UNC5D: variants seen among roughly 807,000 people sequenced by gnomAD.
The protein encoded by UNC5D is unc-5 netrin receptor D, also known as netrin receptor UNC5D.
Under a neutral mutation model 105.4 loss-of-function variants are expected in UNC5D, and 39 were observed. The ratio of observed to expected loss-of-function variants is 0.37; its 90% confidence interval spans 0.29 to 0.48. The LOEUF (loss-of-function observed/expected upper bound fraction) is 0.48. Among genes scored for constraint, UNC5D ranks in the 20% least tolerant of loss-of-function variants. UNC5D has a pLI of 0.98. For missense variants in UNC5D, 991 were observed against 1,202.4 expected, an observed-to-expected ratio of 0.82 and a Z score of 2.60; for synonymous variants, 452 against 450.4, an observed-to-expected ratio of 1.00 and a Z score of -0.04.
At chr8:35,288,546 G>A (rs1439609365) in intron 1 of UNC5D, among the ~76,000 whole-genome samples, 2 of 152,108 alleles carry the variant, frequency 1.3e-5, no homozygotes, top group East Asian at 3.9e-4. Flanking sequence ...TATAAGTAAT[G>A]CCTGGTCATA....
chr8:35,356,114 G>T (rs1352165475), intron 1 of UNC5D, among the ~76,000 whole-genome samples: 1 of 152,080 alleles, frequency 6.6e-6, no homozygotes, highest in African/African-American at 2.4e-5. Flanking sequence ...CCAGTCCTGG[G>T]TATTTTGTTA....
chr8:35,446,491 TA>T (rs879886902), intron 1 of UNC5D, among the ~76,000 whole-genome samples: 4 of 150,588 alleles, frequency 2.7e-5, no homozygotes, highest in East Asian at 2.0e-4. Flanking sequence ...TTTTAAAAAC[TA>T]AAAAAAAAGT....
intron 1 of UNC5D, among the ~76,000 whole-genome samples, chr8:35,364,571 G>A (rs573935765): frequency 8.5e-5 from 13 of 152,210 alleles, no homozygotes; most frequent in African/African-American, 3.1e-4. Flanking sequence ...GGGGAGTAAG[G>A]CATGTTATTG....
intron 1 of UNC5D, among the ~76,000 whole-genome samples, chr8:35,259,301 G>A (rs1413553392): frequency 1.3e-5 from 2 of 152,158 alleles, no homozygotes; most frequent in East Asian, 1.9e-4. Flanking sequence ...GTGGCTGGCT[G>A]GTAGTTAGGA....
At chr8:35,350,866 G>A (rs1357953219) in intron 1 of UNC5D, among the ~76,000 whole-genome samples, 1 of 151,984 alleles carries the variant, frequency 6.6e-6, no homozygotes, top group African/African-American at 2.4e-5. Context: ...AGTGCTTGCA[G>A]ATTGTTGCCG....
At chr8:35,710,176 C>T (rs995356992) in intron 8 of UNC5D, among the ~76,000 whole-genome samples, 3 of 152,136 alleles carry the variant, frequency 2.0e-5, no homozygotes, top group African/African-American at 7.2e-5. Flanking sequence ...TACCTAGGCT[C>T]TTAATCTAGC....
At chr8:35,356,946 A>G (rs1341371103) in intron 1 of UNC5D, among the ~76,000 whole-genome samples, 1 of 152,122 alleles carries the variant, frequency 6.6e-6, no homozygotes, top group Non-Finnish European at 1.5e-5. Context: ...TACCCAGAGT[A>G]CCACACTTCT....
intron 1 of UNC5D, among the ~76,000 whole-genome samples, chr8:35,321,814 A>G (rs1193078083): frequency 6.6e-6 from 1 of 152,104 alleles, no homozygotes; most frequent in African/African-American, 2.4e-5. Flanking sequence ...CCTGTGAGGT[A>G]TTAGGAGGCC....
rs994574249 is a variant in UNC5D at position 35,568,043 on chromosome 8, G to C, written c.323-55G>C. ...AAGGTTTGGCTAACCTTAACTTTCT[G>C]TTTGAGAAATATAACAGCCTCAGCT... On this transcript the variant is annotated intron_variant, in intron 2 of 16. Coordinates refer to ENST00000404895, the MANE Select transcript of UNC5D (RefSeq NM_080872.4). 3 of 1,591,404 alleles carry C rather than the reference G, an allele frequency of 1.9e-6. No homozygotes were observed. The African/African-American group carries it at 4.0e-5, about 21-fold the overall frequency.
At chr8:35,644,486 A>C (rs1822931704) in intron 4 of UNC5D, among the ~76,000 whole-genome samples, 1 of 152,148 alleles carries the variant, frequency 6.6e-6, no homozygotes, top group Non-Finnish European at 1.5e-5. Flanking sequence ...TGAGAATTAA[A>C]GTTCATCGTA....
chr8:35,418,917 G>A lies in UNC5D; in HGVS notation c.104-130375G>A, dbSNP rs558917907. Among the ~76,000 whole-genome samples the A allele has an allele frequency of 4.6e-5, 7 of 152,278 alleles. 1 individual carries two copies. Among genetic ancestry groups the A allele is most frequent in the African/African-American group, 1.7e-4 (7 of 41,562 alleles). ...GTAGACGTGGATATTTTAATGCTTAGGTATTTGTGGAAACAGCCTAACAAT... is the reference window on the plus strand; with the variant it reads ...GTAGACGTGGATATTTTAATGCTTAAGTATTTGTGGAAACAGCCTAACAAT... On this transcript the variant is annotated intron_variant, in intron 1 of 16. Coordinates refer to ENST00000404895, the MANE Select transcript of UNC5D (RefSeq NM_080872.4).
At chr8:35,545,964 G>A (rs1815642204) in intron 1 of UNC5D, among the ~76,000 whole-genome samples, 1 of 152,014 alleles carries the variant, frequency 6.6e-6, no homozygotes, top group Non-Finnish European at 1.5e-5. Context: ...GTGTGATCTT[G>A]ACTCACTGCA....
At chr8:35,644,433 A>G (rs1411936105) in intron 4 of UNC5D, among the ~76,000 whole-genome samples, 2 of 152,114 alleles carry the variant, frequency 1.3e-5, no homozygotes, top group African/African-American at 4.8e-5. Flanking sequence ...TGCTGATTCA[A>G]CATTTTCCCT....
At chr8:35,241,939 T>A (rs1483967053) in intron 1 of UNC5D, among the ~76,000 whole-genome samples, 1 of 152,236 alleles carries the variant, frequency 6.6e-6, no homozygotes, top group South Asian at 2.1e-4. Context: ...TTCTATTAAG[T>A]GGTATATTTG....
chr8:35,484,311 G>T (rs1451163319), intron 1 of UNC5D, among the ~76,000 whole-genome samples: 3 of 152,150 alleles, frequency 2.0e-5, no homozygotes, highest in Non-Finnish European at 2.9e-5. Context: ...TCACTGTCTA[G>T]GTTTCCACTG....
At chr8:35,580,536 A>G (rs1818413957) in intron 3 of UNC5D, among the ~76,000 whole-genome samples, 2 of 150,924 alleles carry the variant, frequency 1.3e-5, no homozygotes. Context: ...GAATCCCATG[A>G]ATAAGACTGA....
At chr8:35,652,828 C>T (rs1047769422) in intron 4 of UNC5D, among the ~76,000 whole-genome samples, 1 of 150,224 alleles carries the variant, frequency 6.7e-6, no homozygotes, top group Admixed American at 6.7e-5. Context: ...TTCTCTTGAT[C>T]TCACATGACT....
At chr8:35,328,409 TTCTAG>T (rs1287899392) in intron 1 of UNC5D, among the ~76,000 whole-genome samples, 3 of 152,150 alleles carry the variant, frequency 2.0e-5, no homozygotes, top group Non-Finnish European at 4.4e-5. Context: ...TTTTTTTGTT[TTCTAG>T]TCTAAAGATT....
intron 4 of UNC5D, among the ~76,000 whole-genome samples, chr8:35,664,625 C>A (rs563757829): frequency 6.6e-6 from 1 of 152,044 alleles, no homozygotes; most frequent in Non-Finnish European, 1.5e-5. Flanking sequence ...GGGATCCACC[C>A]GCCTCAGCCT....
Sources: allele counts gnomAD v4.1 joint callset (sites outside exome capture counted in the v4.1 genomes callset), GRCh38; gene constraint gnomAD v4.1.1; transcripts MANE v1.5; gene names NCBI Gene and HGNC (gene_info 2026-07-23, HGNC 2026-07-21).